Variants in SAMSN1 observed in about 807,000 individuals in gnomAD.
SAMSN1 encodes the protein SAM domain, SH3 domain and nuclear localization signals 1.
Under a neutral mutation model 42.0 loss-of-function variants are expected in SAMSN1, and 31 were observed. That is an observed-to-expected ratio of 0.74 (90% confidence interval 0.55 to 1.00). SAMSN1 has a LOEUF of 1.00. Among genes scored for constraint, SAMSN1 ranks in the 50% least tolerant of loss-of-function variants. The probability of loss-of-function intolerance (pLI) is 0.00; values close to 1 mark genes in which losing one functional copy is unlikely to be tolerated. For synonymous variants in SAMSN1, 178 were observed against 151.9 expected (o/e 1.17, Z -1.26); for missense variants, 464 against 439.4 (o/e 1.06, Z -0.50).
At chr21:14,577,225 TA>T (rs1981502385) in intron 2 of SAMSN1, among the ~76,000 whole-genome samples, 2 of 48,562 alleles carry the variant, frequency 4.1e-5, no homozygotes, top group Non-Finnish European at 6.5e-5. Context: ...TGGGCTAATT[TA>T]TATATATGTG....
Position 14,485,854 on chromosome 21 carries a change from T to C in SAMSN1, c.*58A>G. 1.5e-6 allele frequency: 2 copies of C among 1,333,626 alleles called. No homozygotes were observed. The highest frequency in any genetic ancestry group is 2.2e-6 in the Non-Finnish European group (2 of 929,504). 82.6% of individuals were successfully genotyped at this position (1,333,626 alleles called of 1,614,324 possible). A position where few individuals can be genotyped will look rare whatever the true frequency, so the allele number is the denominator to read the frequency against. ...TATCTTCCTCTCCTATTTGACGTTT[T>C]AGCTCAAGAAGAGTTAAAATGGAAT... On this transcript the variant is annotated 3_prime_UTR_variant, in exon 8 of 8. Transcript: ENST00000400566.
intron 6 of SAMSN1, among the ~76,000 whole-genome samples, chr21:14,596,752 G>A (rs9976798): frequency 0.064 from 9,703 of 152,006 alleles, 789 homozygotes; most frequent in African/African-American, 0.19. Context: ...GCCATGAGAG[G>A]GAGTTAGAAA....
At chr21:14,552,420 T>C (rs1221670759) in intron 2 of SAMSN1, among the ~76,000 whole-genome samples, 1 of 152,034 alleles carries the variant, frequency 6.6e-6, no homozygotes, top group African/African-American at 2.4e-5. Context: ...TTTGGGAGAA[T>C]TAGGTCATGG....
chr21:14,561,900 G>A (rs937533803), intron 2 of SAMSN1, among the ~76,000 whole-genome samples: 1 of 152,112 alleles, frequency 6.6e-6, no homozygotes, highest in Non-Finnish European at 1.5e-5. Flanking sequence ...CTAATGCCCA[G>A]GGCTATCAGA....
At chr21:14,524,947 A>C (rs879923966) in intron 1 of SAMSN1, among the ~76,000 whole-genome samples, 4 of 152,190 alleles carry the variant, frequency 2.6e-5, no homozygotes, top group African/African-American at 7.2e-5. Context: ...AAATGTTATA[A>C]TTATATTCTG....
At chr21:14,638,526 C>T (rs1235103600) in intron 2 of SAMSN1, among the ~76,000 whole-genome samples, 1 of 152,030 alleles carries the variant, frequency 6.6e-6, no homozygotes, top group Admixed American at 6.6e-5. Context: ...TCTACTGTCT[C>T]CTTTATTTTT....
intron 1 of SAMSN1, among the ~76,000 whole-genome samples, chr21:14,522,388 G>A (rs1434958673): frequency 1.3e-5 from 2 of 152,078 alleles, no homozygotes; most frequent in Non-Finnish European, 2.9e-5. Context: ...CATAAATCCC[G>A]AGACTATTTT....
At chr21:14,492,484 G>A (rs1198659491) in intron 7 of SAMSN1, among the ~76,000 whole-genome samples, 1 of 152,140 alleles carries the variant, frequency 6.6e-6, no homozygotes, top group Non-Finnish European at 1.5e-5. Context: ...AGGACTAGGG[G>A]CTTTGGGAAA....
At chr21:14,570,210 C>G (rs182173164) in intron 2 of SAMSN1, among the ~76,000 whole-genome samples, 1 of 152,128 alleles carries the variant, frequency 6.6e-6, no homozygotes, top group Non-Finnish European at 1.5e-5. Flanking sequence ...TTCCCGCATT[C>G]TAGAGAGAGA....
rs563860189 is a variant in SAMSN1, at chr21:14,657,053, G to T, written c.24+1695C>A. Among the ~76,000 whole-genome samples, 257 of 151,790 alleles carry T rather than the reference G, an allele frequency of 1.7e-3. 1 individual carries two copies. Among genetic ancestry groups the T allele is most frequent in the African/African-American group, 6.0e-3 (247 of 41,480 alleles). Reference sequence around the variant, plus strand: ...GATTTTGCATAAGTTCCTGGCAAAAGCTGTACCCCCACCCCTTTTTCAAAG... The same window carrying T: ...GATTTTGCATAAGTTCCTGGCAAAATCTGTACCCCCACCCCTTTTTCAAAG... On this transcript the variant is annotated intron_variant, in intron 1 of 15. Coordinates refer to the SAMSN1 transcript ENST00000647101.
intron 2 of SAMSN1, among the ~76,000 whole-genome samples, chr21:14,577,873 T>G (rs965090461): frequency 1.6e-4 from 25 of 152,242 alleles, no homozygotes; most frequent in Non-Finnish European, 2.8e-4. Flanking sequence ...TTATATCAAT[T>G]CCATAATCAC....
Position 14,516,983 on chromosome 21 carries a change from C to T in SAMSN1, c.188G>A (p.Gly63Glu), listed in dbSNP as rs34607574. 1.2e-6 allele frequency: 2 copies of T among 1,613,260 alleles called. No individual in the cohort carries two copies. The highest frequency in any genetic ancestry group is 4.5e-5 in the East Asian group (2 of 44,826). The change falls in exon 3 of 8, where the codon GGA becomes GAA. Residue 63 changes from glycine (G) to glutamate (E), a missense_variant. Coordinates refer to ENST00000400566, the MANE Select transcript of SAMSN1 (RefSeq NM_022136.5). ...TCTCATTTTTTTACCCAAACCGCCTCCATTATTTGAAGTTTTACTTTGTTC... is the reference window on the plus strand; with the variant it reads ...TCTCATTTTTTTACCCAAACCGCCTTCATTATTTGAAGTTTTACTTTGTTC... Reference protein sequence around the residue: ...SGEQSKTSNNGGGLGKKMRAI... With the variant: ...SGEQSKTSNNEGGLGKKMRAI...
In SAMSN1 at chr21:14,485,836, C is replaced by T. The variant is rs1986408748; in HGVS notation, c.*76G>A. 2.8e-6 allele frequency: 3 copies of T among 1,069,002 alleles called. No individual in the cohort carries two copies. The highest frequency in any genetic ancestry group is 1.6e-5 in the African/African-American group (1 of 64,008). The allele number at this position is 1,069,002 out of a possible 1,614,324, so 66.2% of individuals were successfully genotyped here. A position where few individuals can be genotyped will look rare whatever the true frequency, so the allele number is the denominator to read the frequency against. ...ATTTACAAATATTTATCTTATCTTC[C>T]TCTCCTATTTGACGTTTTAGCTCAA... On this transcript the variant is annotated 3_prime_UTR_variant, in exon 8 of 8. Coordinates refer to ENST00000400566, the MANE Select transcript of SAMSN1 (RefSeq NM_022136.5).
At chr21:14,637,931 T>TTGTG (rs151032398) in intron 2 of SAMSN1, among the ~76,000 whole-genome samples, 1 of 151,822 alleles carries the variant, frequency 6.6e-6, no homozygotes, top group Admixed American at 6.6e-5. Context: ...ATGGCACTGT[T>TTGTG]TGTGTGTGTG....
chr21:14,517,054 T>C lies in SAMSN1; in HGVS notation c.130-13A>G. On this transcript the variant is annotated splice_polypyrimidine_tract_variant and intron_variant, in intron 2 of 7. Coordinates refer to ENST00000400566, the MANE Select transcript of SAMSN1 (RefSeq NM_022136.5). Reference sequence around the variant, plus strand: ...CTCCTTCATGTGCCTAGTTTAGAATTGTTTACAAAAGACAAAATAATAAAG... The same window carrying C: ...CTCCTTCATGTGCCTAGTTTAGAATCGTTTACAAAAGACAAAATAATAAAG... 1 of 1,592,926 alleles carries C rather than the reference T, an allele frequency of 6.3e-7. No individual in the cohort carries two copies. The highest frequency in any genetic ancestry group is 8.5e-7 in the Non-Finnish European group (1 of 1,172,380).
chr21:14,500,532 C>T lies in SAMSN1; in HGVS notation c.765G>A (p.Leu255=), dbSNP rs779503780. ...AACAGAACACAGATTTGCTCACCTG[C>T]AGATGAATCCTCTCTAGGAACTCCT... ...TLQEFLERIH[L]QEYTSTLLLN... The change falls in exon 6 of 8, where the codon CTG becomes CTA. Residue 255 remains leucine (L), a synonymous_variant. Transcript: ENST00000400566. 6.2e-7 allele frequency: 1 copy of T among 1,613,734 alleles called. No individual in the cohort carries two copies. The highest frequency in any genetic ancestry group is 8.5e-7 in the Non-Finnish European group (1 of 1,179,696).
upstream of SAMSN1, among the ~76,000 whole-genome samples, chr21:14,551,193 G>A (rs1480499411): frequency 1.3e-5 from 2 of 152,058 alleles, no homozygotes; most frequent in Non-Finnish European, 2.9e-5. Flanking sequence ...AAGCCTCTTA[G>A]AGAGCCTGGC....
chr21:14,655,382 A>G (rs1376096847), intron 1 of SAMSN1, among the ~76,000 whole-genome samples: 1 of 151,840 alleles, frequency 6.6e-6, no homozygotes, highest in Non-Finnish European at 1.5e-5. Context: ...GAATATTCCT[A>G]TTAATGCAAG....
At chr21:14,516,425 C>G (rs764572750) in intron 3 of SAMSN1, among the ~76,000 whole-genome samples, 6 of 152,050 alleles carry the variant, frequency 3.9e-5, no homozygotes, top group Non-Finnish European at 8.8e-5. Context: ...CGCCATCTTG[C>G]TCTGTTGCCA....
Sources: gnomAD v4.1 joint callset for allele counts (sites outside exome capture counted in the v4.1 genomes callset) on GRCh38, gnomAD v4.1.1 for gene constraint, MANE v1.5 for transcripts, NCBI Gene and HGNC (gene_info 2026-07-23, HGNC 2026-07-21) for gene names.